The following FAM135B variants were observed in gnomAD, a reference collection of about 807,000 sequenced individuals.
FAM135B encodes the protein protein FAM135B.
In FAM135B, 43 loss-of-function variants were observed where a neutral mutation model predicts 127.7. The observed-to-expected ratio is 0.34, with a 90% CI of 0.26 to 0.43. FAM135B has a LOEUF of 0.43. FAM135B is among the 20% of genes least tolerant of loss of function. The pLI is 1.00. For synonymous variants in FAM135B, 670 were observed against 665.1 expected, an observed-to-expected ratio of 1.01 and a Z score of -0.11; for missense variants, 1,558 against 1,725.6, an observed-to-expected ratio of 0.90 and a Z score of 1.72.
At chr8:138,412,678 C>A (rs1395600309) in intron 1 of FAM135B, among the ~76,000 whole-genome samples, 3 of 152,222 alleles carry the variant, frequency 2.0e-5, no homozygotes, top group Admixed American at 2.0e-4. Context: ...TGGTGCAAAT[C>A]TTTGACCAGA....
intron 1 of FAM135B, among the ~76,000 whole-genome samples, chr8:138,392,125 C>T (rs1415610465): frequency 2.0e-5 from 3 of 152,180 alleles, no homozygotes; most frequent in Admixed American, 1.3e-4. Context: ...ATTCAGATAA[C>T]GTCTGGAATG....
intron 2 of FAM135B, among the ~76,000 whole-genome samples, chr8:138,353,509 C>T (rs1222552351): frequency 1.3e-5 from 2 of 152,150 alleles, no homozygotes; most frequent in Non-Finnish European, 2.9e-5. Context: ...ATAGCTCTAG[C>T]TGAGACTCTT....
intron 7 of FAM135B, among the ~76,000 whole-genome samples, chr8:138,224,837 TCA>T (rs1819291328): frequency 6.6e-6 from 1 of 152,090 alleles, no homozygotes; most frequent in Non-Finnish European, 1.5e-5. Flanking sequence ...CTGCACGATC[TCA>T]GTTATATGTG....
intron 7 of FAM135B, among the ~76,000 whole-genome samples, chr8:138,218,431 A>T (rs7464675): frequency 0.71 from 107,884 of 151,950 alleles, 38,404 homozygotes; most frequent in Middle Eastern, 0.8. Flanking sequence ...TGCAATACCA[A>T]TATAGAAAAT....
At chr8:138,453,650 C>T (rs982733944) in intron 1 of FAM135B, among the ~76,000 whole-genome samples, 1 of 152,168 alleles carries the variant, frequency 6.6e-6, no homozygotes, top group Non-Finnish European at 1.5e-5. Flanking sequence ...GTCCAGGTCA[C>T]TCCATAGAAC....
At chr8:138,197,228 C>T (rs1426711149) in intron 8 of FAM135B, among the ~76,000 whole-genome samples, 4 of 152,006 alleles carry the variant, frequency 2.6e-5, no homozygotes, top group Non-Finnish European at 5.9e-5. Context: ...TAGAAAGCAA[C>T]CTAAAATTAT....
At chr8:138,308,103 T>G (rs1826397639) in intron 3 of FAM135B, among the ~76,000 whole-genome samples, 2 of 152,184 alleles carry the variant, frequency 1.3e-5, no homozygotes, top group Non-Finnish European at 2.9e-5. Flanking sequence ...GAAGCAACCC[T>G]GGGCCAGTCT....
chr8:138,476,705 G>C (rs1296377927), intron 1 of FAM135B, among the ~76,000 whole-genome samples: 2 of 152,050 alleles, frequency 1.3e-5, no homozygotes, highest in Non-Finnish European at 2.9e-5. Context: ...TCATAGCCTA[G>C]CCTATAAATT....
At chr8:138,486,837 C>A (rs927301594) in intron 1 of FAM135B, among the ~76,000 whole-genome samples, 2 of 152,196 alleles carry the variant, frequency 1.3e-5, no homozygotes, top group Non-Finnish European at 2.9e-5. Flanking sequence ...TAAGCAGGAC[C>A]TCTCCACGAA....
chr8:138,424,099 TACAA>T (rs563017529), intron 1 of FAM135B, among the ~76,000 whole-genome samples: 2 of 152,184 alleles, frequency 1.3e-5, no homozygotes, highest in Non-Finnish European at 1.5e-5. Context: ...ACACATGCTC[TACAA>T]ACAATTTGTG....
chr8:138,493,901 CTG>C (rs2131701716), intron 1 of FAM135B, among the ~76,000 whole-genome samples: 1 of 152,350 alleles, frequency 6.6e-6, no homozygotes, highest in Admixed American at 6.5e-5. Context: ...ACCCTGAAAA[CTG>C]AGATTAAATC....
At chr8:138,144,430 T>C (rs1817484067) in intron 15 of FAM135B, 1 of 152,034 alleles carries the variant, frequency 6.6e-6, no homozygotes, top group African/African-American at 2.4e-5. Context: ...CAAAAATAGG[T>C]AAAATATACC....
chr8:138,370,716 C>A (rs1172765834), intron 1 of FAM135B, among the ~76,000 whole-genome samples: 1 of 152,192 alleles, frequency 6.6e-6, no homozygotes, highest in Non-Finnish European at 1.5e-5. Flanking sequence ...TCCCAAAGTG[C>A]TGGGATTACA....
At chr8:138,469,395 T>C (rs1220425651) in intron 1 of FAM135B, among the ~76,000 whole-genome samples, 1 of 152,150 alleles carries the variant, frequency 6.6e-6, no homozygotes, top group Non-Finnish European at 1.5e-5. Flanking sequence ...GGCACATCTC[T>C]GATCAGACCT....
intron 2 of FAM135B, among the ~76,000 whole-genome samples, chr8:138,339,418 A>G (rs1828882998): frequency 6.7e-6 from 1 of 148,334 alleles, no homozygotes; most frequent in African/African-American, 2.5e-5. Context: ...TTTTCCCTGA[A>G]CTCCTCCCCC....
chr8:138,447,074 TC>T (rs1476695150), intron 1 of FAM135B, among the ~76,000 whole-genome samples: 7 of 151,290 alleles, frequency 4.6e-5, no homozygotes, highest in Non-Finnish European at 1.0e-4. Context: ...TCACTGGCCA[TC>T]AGAGAAATGC....
At position 138,153,114 on chromosome 8, in the gene FAM135B, A is replaced by G. The variant is rs1392673207; in HGVS notation, c.1361T>C (p.Leu454Ser). 1 of 1,613,948 alleles carries G rather than the reference A, an allele frequency of 6.2e-7. No homozygotes were observed. The highest frequency in any genetic ancestry group is 8.5e-7 in the Non-Finnish European group (1 of 1,179,924). Residue 454 changes from leucine (L) to serine (S), a missense_variant, in exon 13 of 20, where the codon TTA (leucine) becomes TCA (serine). This residue lies in a region of FAM135B where 923 missense variants were observed against 865.3 expected (regional missense o/e 1.07). Transcript: ENST00000395297. ...CAAGACAAGGTCTTCCCTAAAAGATAAATTGCTATTTACCATACAGTTATC... is the reference window on the plus strand; with the variant it reads ...CAAGACAAGGTCTTCCCTAAAAGATGAATTGCTATTTACCATACAGTTATC... ...KEDNCMVNSN[L>S]SFREDLVLST... is the part of the protein sequence containing the mutation.
At chr8:138,265,596 T>A in intron 4 of FAM135B, 107 bp downstream of exon 4, 1 of 1,296,434 alleles carries the variant, frequency 7.7e-7, no homozygotes, top group Middle Eastern at 1.9e-4. Flanking sequence ...TCTGTCAGAT[T>A]TCAAAGTAAA....
At chr8:138,453,326 A>C (rs1280169198) in intron 1 of FAM135B, among the ~76,000 whole-genome samples, 2 of 152,082 alleles carry the variant, frequency 1.3e-5, no homozygotes, top group African/African-American at 2.4e-5. Flanking sequence ...TTATCAATAA[A>C]TATCCCATAT....
Sources: allele counts gnomAD v4.1 joint callset (sites outside exome capture counted in the v4.1 genomes callset), GRCh38; gene constraint gnomAD v4.1.1; regional missense constraint gnomAD v4.1.1; transcripts MANE v1.5; gene names NCBI Gene and HGNC (gene_info 2026-07-23, HGNC 2026-07-21).